The following FHIT variants were observed in gnomAD, a reference collection of about 807,000 sequenced individuals.
FHIT encodes the protein fragile histidine triad diadenosine triphosphatase.
FHIT carries 19 observed loss-of-function variants against 17.9 expected under a neutral mutation model. The ratio of observed to expected loss-of-function variants is 1.06; its 90% CI spans 0.74 to 1.56. The LOEUF (loss-of-function observed/expected upper bound fraction) is 1.56. Among genes scored for constraint, FHIT ranks in the 40% most tolerant of loss-of-function variants. FHIT has a pLI of 0.00. For synonymous variants in FHIT, 81 were observed against 69.7 expected (o/e 1.16, Z -0.81); for missense variants, 248 against 189.2 (o/e 1.31, Z -1.82).
Position 60,014,035 on chromosome 3 carries a change from T to C in FHIT, c.221A>G (p.His74Arg), listed in dbSNP as rs988662971. Residue 74 changes from histidine (H) to arginine (R), a missense_variant, in exon 6 of 10, where the codon CAT (histidine) becomes CGT (arginine). Transcript: ENST00000492590. ...CATGGAAAAGGTGAGAGAGGTCCCA[T>C]GGAAATGTTTTTCCACCACTGTCCC... Reference protein sequence around the residue: ...RVGTVVEKHFHGTSLTFSMQD... With the variant: ...RVGTVVEKHFRGTSLTFSMQD... 5.6e-6 allele frequency: 9 copies of C among 1,613,912 alleles called. No individual in the cohort carries two copies. In the African/African-American group the frequency reaches 8.0e-5, roughly 14 times the overall value.
intron 3 of FHIT, among the ~76,000 whole-genome samples, chr3:60,991,096 C>T (rs187951639): frequency 1.1e-4 from 17 of 152,020 alleles, no homozygotes; most frequent in African/African-American, 3.1e-4. Context: ...CTAATGGGGA[C>T]GGGGGTGGAG....
intron 3 of FHIT, among the ~76,000 whole-genome samples, chr3:60,897,201 C>T (rs1705867603): frequency 6.6e-6 from 1 of 152,178 alleles, no homozygotes; most frequent in African/African-American, 2.4e-5. Flanking sequence ...CTCCTCATTA[C>T]AACATAACCA....
At chr3:60,409,108 T>C (rs1334512823) in intron 5 of FHIT, among the ~76,000 whole-genome samples, 1 of 152,184 alleles carries the variant, frequency 6.6e-6, no homozygotes, top group East Asian at 1.9e-4. Flanking sequence ...ACAGATTTCA[T>C]TGGATTCTTG....
intron 5 of FHIT, among the ~76,000 whole-genome samples, chr3:60,225,030 C>T (rs141841968): frequency 4.7e-4 from 72 of 152,034 alleles, no homozygotes; most frequent in African/African-American, 1.5e-3. Flanking sequence ...CAGGATTTTC[C>T]GATTTTAAAT....
At chr3:60,318,197 T>C (rs1056637335) in intron 5 of FHIT, among the ~76,000 whole-genome samples, 4 of 152,150 alleles carry the variant, frequency 2.6e-5, no homozygotes, top group Admixed American at 6.5e-5. Flanking sequence ...TTAAAATGTT[T>C]GAAAATAAGC....
chr3:61,208,611 G>A (rs1187899370), intron 1 of FHIT, among the ~76,000 whole-genome samples: 1 of 151,952 alleles, frequency 6.6e-6, no homozygotes, highest in Non-Finnish European at 1.5e-5. Context: ...TTTAAAGACT[G>A]TTTTATCAGT....
chr3:60,136,742 G>A (rs971163176), intron 5 of FHIT, among the ~76,000 whole-genome samples: 1 of 152,156 alleles, frequency 6.6e-6, no homozygotes, highest in Non-Finnish European at 1.5e-5. Flanking sequence ...CACGAAATGA[G>A]TTGGGGGCTA....
At chr3:59,855,018 G>C (rs1235559417) in intron 8 of FHIT, among the ~76,000 whole-genome samples, 3 of 152,166 alleles carry the variant, frequency 2.0e-5, no homozygotes, top group African/African-American at 7.2e-5. Flanking sequence ...CTCATATCCA[G>C]TGATCACAAT....
chr3:60,516,717 A>G (rs1052332247), intron 5 of FHIT, among the ~76,000 whole-genome samples: 5 of 152,224 alleles, frequency 3.3e-5, no homozygotes, highest in African/African-American at 9.7e-5. Flanking sequence ...CATAAATATT[A>G]TATGTTAGAT....
At chr3:59,853,559 C>A (rs1201995578) in intron 8 of FHIT, among the ~76,000 whole-genome samples, 1 of 152,124 alleles carries the variant, frequency 6.6e-6, no homozygotes, top group Non-Finnish European at 1.5e-5. Context: ...GGAAGCTTAT[C>A]TAAATGAACT....
At chr3:60,650,766 T>A (rs1295233640) in intron 4 of FHIT, among the ~76,000 whole-genome samples, 1 of 152,208 alleles carries the variant, frequency 6.6e-6, no homozygotes, top group East Asian at 1.9e-4. Context: ...AGATTTTTAC[T>A]TTCAGAGGCA....
chr3:60,786,435 G>C (rs145302045), intron 4 of FHIT, among the ~76,000 whole-genome samples: 274 of 152,294 alleles, frequency 1.8e-3, no homozygotes, highest in African/African-American at 6.3e-3. Flanking sequence ...AGTGTAATAT[G>C]CTTAAGAATG....
chr3:60,294,338 A>G (rs1472755435), intron 5 of FHIT, among the ~76,000 whole-genome samples: 1 of 152,180 alleles, frequency 6.6e-6, no homozygotes, highest in Non-Finnish European at 1.5e-5. Context: ...ATCAAAATCT[A>G]CAGCTGGAAG....
At position 60,441,770 on chromosome 3, in the gene FHIT, T is replaced by G. The variant is rs79412151; in HGVS notation, c.103+95090A>C. Reference sequence around the variant, plus strand: ...TATATATATAAAAATATATATATATTTATATGTATAAAAATATATATATAT... The same window carrying G: ...TATATATATAAAAATATATATATATGTATATGTATAAAAATATATATATAT... On this transcript the variant is annotated intron_variant, in intron 5 of 9. Coordinates refer to ENST00000492590, the MANE Select transcript of FHIT (RefSeq NM_002012.4). Among the ~76,000 whole-genome samples the G allele has an allele frequency of 1.1e-3, 45 of 42,534 alleles. 1 individual carries two copies. The highest frequency in any genetic ancestry group is 7.8e-3 in the East Asian group (6 of 772). 27.9% of individuals were successfully genotyped at this position (42,534 alleles called of 152,430 possible).
intron 8 of FHIT, among the ~76,000 whole-genome samples, chr3:59,874,678 ATT>A (rs5849306): frequency 1.3e-5 from 2 of 148,230 alleles, no homozygotes. Flanking sequence ...TGTGTTTTTC[ATT>A]TTTTTTTTTT....
At chr3:60,880,381 C>T (rs1395208135) in intron 3 of FHIT, among the ~76,000 whole-genome samples, 2 of 152,176 alleles carry the variant, frequency 1.3e-5, no homozygotes, top group African/African-American at 4.8e-5. Flanking sequence ...AAAGGGACTC[C>T]TGCATCTGGA....
chr3:60,299,323 G>C (rs1708349173), intron 5 of FHIT, among the ~76,000 whole-genome samples: 1 of 152,022 alleles, frequency 6.6e-6, no homozygotes, highest in Non-Finnish European at 1.5e-5. Flanking sequence ...AAGAAATTTT[G>C]ACATCTCTGT....
At chr3:59,871,620 T>G (rs1702928290) in intron 8 of FHIT, among the ~76,000 whole-genome samples, 1 of 152,170 alleles carries the variant, frequency 6.6e-6, no homozygotes, top group Admixed American at 6.5e-5. Context: ...AAAGAACTGA[T>G]AATGACAGCC....
chr3:60,539,857 G>T (rs965842232), intron 4 of FHIT, among the ~76,000 whole-genome samples: 13 of 151,786 alleles, frequency 8.6e-5, no homozygotes, highest in African/African-American at 2.9e-4. Flanking sequence ...AAGTTAATGG[G>T]TGCAGCACAC....
Sources: allele counts gnomAD v4.1 joint callset (sites outside exome capture counted in the v4.1 genomes callset), GRCh38; gene constraint gnomAD v4.1.1; transcripts MANE v1.5; gene names NCBI Gene and HGNC (gene_info 2026-07-23, HGNC 2026-07-21).